The following CACNA1E variants were observed in gnomAD, a reference collection of about 807,000 sequenced individuals.
The protein encoded by CACNA1E is calcium voltage-gated channel subunit alpha1 E.
Under a neutral mutation model 259.2 loss-of-function variants are expected in CACNA1E, and 40 were observed. That is an observed-to-expected ratio of 0.15 (90% CI 0.12 to 0.20). The LOEUF is 0.20. Among genes scored for constraint, CACNA1E ranks in the 10% least tolerant of loss-of-function variants. The pLI is 1.00. For missense variants in CACNA1E, 1,874 were observed against 3,040.1 expected, an observed-to-expected ratio of 0.62 and a Z score of 9.02; for synonymous variants, 1,104 against 1,138.5, an observed-to-expected ratio of 0.97 and a Z score of 0.61.
At chr1:181,382,588 C>A (rs891854629) in intron 1 of CACNA1E, among the ~76,000 whole-genome samples, 1 of 152,066 alleles carries the variant, frequency 6.6e-6, no homozygotes, top group African/African-American at 2.4e-5. Context: ...TCATTTGGGC[C>A]TTGAAATTTT....
At position 181,639,177 on chromosome 1, in the gene CACNA1E, G is replaced by A. The variant is rs187839145; in HGVS notation, c.952-12161G>A. Among the ~76,000 whole-genome samples the A allele has an allele frequency of 4.1e-3, 629 of 151,694 alleles. 2 individuals are homozygous for A. The highest frequency in any genetic ancestry group is 9.9e-3 in the Admixed American group (151 of 15,244). On this transcript the variant is annotated intron_variant, in intron 6 of 47. Coordinates refer to ENST00000367573, the MANE Select transcript of CACNA1E (RefSeq NM_001205293.3). The stretch of plus-strand genomic sequence containing the variant: ...ATCTTGGCTCACTGCAAGCTCCGCT[G>A]ACCAGGTTCACGCCATTCTCCTGCG...
At chr1:181,543,499 T>C (rs1668752680) in intron 3 of CACNA1E, among the ~76,000 whole-genome samples, 1 of 152,192 alleles carries the variant, frequency 6.6e-6, no homozygotes, top group African/African-American at 2.4e-5. Context: ...GGGTACAGCC[T>C]TTATGATGGG....
At chr1:181,622,428 C>G (rs945663215) in intron 6 of CACNA1E, among the ~76,000 whole-genome samples, 1 of 152,176 alleles carries the variant, frequency 6.6e-6, no homozygotes, top group Non-Finnish European at 1.5e-5. Flanking sequence ...TTTACTTTCT[C>G]ATAGTTCTGG....
chr1:181,486,207 T>TGAGAG (rs1488804376), intron 1 of CACNA1E, among the ~76,000 whole-genome samples: 3 of 152,028 alleles, frequency 2.0e-5, no homozygotes, highest in African/African-American at 7.3e-5. Flanking sequence ...CTCGAGGGAG[T>TGAGAG]TGATTTCAGC....
At chr1:181,608,818 TCTTCC>T (rs1423102852) in intron 6 of CACNA1E, among the ~76,000 whole-genome samples, 1 of 152,230 alleles carries the variant, frequency 6.6e-6, no homozygotes, top group African/African-American at 2.4e-5. Flanking sequence ...CACTGCTGCC[TCTTCC>T]CTTATTTCTG....
At position 181,383,794 on chromosome 1, in the gene CACNA1E, ACT is replaced by A. The variant is rs529762399; in HGVS notation, c.-14-29336_-14-29335del. On this transcript the variant is annotated intron_variant, in intron 1 of 11. Transcript: ENST00000524607. The stretch of plus-strand genomic sequence containing the variant: ...TTACGGGGTATGAACATGTGACCAA[ACT>A]CTGGCTGTGGAGCGTAGGCAAAAGG... Among the ~76,000 whole-genome samples the A allele has an allele frequency of 6.3e-3, 961 of 152,264 alleles. 4 individuals carry two copies. The highest frequency in any genetic ancestry group is 9.6e-3 in the Non-Finnish European group (651 of 68,012).
intron 1 of CACNA1E, among the ~76,000 whole-genome samples, chr1:181,385,930 A>G (rs1420331362): frequency 6.6e-6 from 1 of 150,554 alleles, no homozygotes; most frequent in South Asian, 2.1e-4. Context: ...CATAATTTTG[A>G]TCATCTACCA....
At chr1:181,699,801 G>T (rs1052395753) in intron 7 of CACNA1E, among the ~76,000 whole-genome samples, 2 of 152,114 alleles carry the variant, frequency 1.3e-5, no homozygotes, top group Non-Finnish European at 2.9e-5. Context: ...AGGTTGGGAT[G>T]AGAAAGGAAG....
chr1:181,753,815 AG>A (rs1257941598), intron 27 of CACNA1E, among the ~76,000 whole-genome samples: 1 of 152,150 alleles, frequency 6.6e-6, no homozygotes, highest in Admixed American at 6.5e-5. Flanking sequence ...AAAACTAACT[AG>A]GTTTGTGAAA....
rs376436823 is a variant in CACNA1E at position 181,796,687 on chromosome 1, C to T, written c.6228C>T (p.His2076=). ...NSDSGHKSDT[H]RSGGRERGRS... is the part of the protein sequence containing the mutation. ...TCACAGGCCACAAGTCTGACACTCA[C>T]CGCTCAGGGGGCAGGGAGCGGGGAC... is the stretch of plus-strand genomic sequence containing the variant. Residue 2076 remains histidine (H), a synonymous_variant, in exon 47 of 48, where the codon CAC becomes CAT. Transcript: ENST00000367573. 116 of 1,602,416 alleles carry T rather than the reference C, an allele frequency of 7.2e-5. No individual in the cohort carries two copies. The highest frequency in any genetic ancestry group is 9.0e-5 in the Non-Finnish European group (106 of 1,172,134).
Position 181,757,984 on chromosome 1 carries a change from T to C in CACNA1E, c.4367T>C (p.Leu1456Pro). The change falls in exon 31 of 48, where the codon CTC becomes CCC. Residue 1456 changes from leucine (L) to proline (P), a missense_variant. Physicochemically the swap from Leu to Pro is moderately conservative, Grantham distance 98. This residue lies in a region of CACNA1E where 188 missense variants were observed against 540.6 expected (regional missense o/e 0.35). Coordinates refer to ENST00000367573, the MANE Select transcript of CACNA1E (RefSeq NM_001205293.3). ...GACTTCGCCATCAGCGCCAAACCTCTCACCCGCTACATGCCGCAGAACAGA... is the reference window on the plus strand; with the variant it reads ...GACTTCGCCATCAGCGCCAAACCTCCCACCCGCTACATGCCGCAGAACAGA... ...CIDFAISAKP[L>P]TRYMPQNRHT... The C allele has an allele frequency of 6.2e-7, 1 of 1,614,002 alleles. No individual in the cohort carries two copies. Among genetic ancestry groups the C allele is most frequent in the East Asian group, 2.2e-5 (1 of 44,878 alleles).
chr1:181,729,640 G>A (rs573601542), intron 18 of CACNA1E, among the ~76,000 whole-genome samples: 22 of 152,268 alleles, frequency 1.4e-4, no homozygotes, highest in African/African-American at 4.1e-4. Context: ...ATTGTGAGGC[G>A]TACACAAGGT....
At chr1:181,607,187 GC>G (rs1263938575) in intron 6 of CACNA1E, among the ~76,000 whole-genome samples, 1 of 152,132 alleles carries the variant, frequency 6.6e-6, no homozygotes, top group Non-Finnish European at 1.5e-5. Context: ...TGTGCCTAGG[GC>G]TTTGATTCAA....
chr1:181,779,827 C>CAA (rs991486939), intron 38 of CACNA1E, among the ~76,000 whole-genome samples: 13 of 150,844 alleles, frequency 8.6e-5, no homozygotes, highest in Non-Finnish European at 1.6e-4. Flanking sequence ...TGTACACACA[C>CAA]ACACACACAC....
rs866842153 is a variant in CACNA1E at position 181,732,501 on chromosome 1, G to A, written c.2415G>A (p.Met805Ile). ...EALNREEAPT[M>I]NPLNPLNPLS... The stretch of plus-strand genomic sequence containing the variant: ...TCAACAGAGAGGAGGCGCCGACCAT[G>A]AACCCGCTCAACCCCCTCAACCCGC... Residue 805 changes from methionine (M) to isoleucine (I), a missense_variant, in exon 20 of 48, where the codon ATG (methionine) becomes ATA (isoleucine). Around this residue, in one of 14 missense-constraint regions of CACNA1E, gnomAD observed 476 missense variants for 514.0 expected, o/e 0.93. Transcript: ENST00000367573. The surrounding 1 kb of genome is among the most constrained non-coding windows in gnomAD (Gnocchi z 5.5). The A allele has an allele frequency of 6.4e-7, 1 of 1,551,522 alleles. No individual in the cohort carries two copies. Among genetic ancestry groups the A allele is most frequent in the Non-Finnish European group, 8.7e-7 (1 of 1,146,902 alleles).
At chr1:181,792,393 C>T (rs1661400580) in intron 44 of CACNA1E, among the ~76,000 whole-genome samples, 1 of 152,252 alleles carries the variant, frequency 6.6e-6, no homozygotes, top group Non-Finnish European at 1.5e-5. Context: ...GGGGCTGCTG[C>T]TCCATGTCCC....
chr1:181,748,479 A>G (rs193213751), intron 25 of CACNA1E, among the ~76,000 whole-genome samples: 4 of 152,332 alleles, frequency 2.6e-5, no homozygotes, highest in South Asian at 4.1e-4. Context: ...GTCTATGAGC[A>G]TGACCTCTGA....
chr1:181,700,142 A>G (rs922261786), intron 7 of CACNA1E, among the ~76,000 whole-genome samples: 6 of 152,132 alleles, frequency 3.9e-5, no homozygotes, highest in African/African-American at 9.7e-5. Context: ...GGAGGAGTGA[A>G]GGAGATTGAG....
At chr1:181,424,250 C>T (rs755270585) in intron 2 of CACNA1E, among the ~76,000 whole-genome samples, 5 of 152,208 alleles carry the variant, frequency 3.3e-5, no homozygotes, top group Non-Finnish European at 7.3e-5. Flanking sequence ...GCAGAGAATC[C>T]AGAGAATTGG....
Sources: gnomAD v4.1 joint callset for allele counts (sites outside exome capture counted in the v4.1 genomes callset) on GRCh38, gnomAD v4.1.1 for gene constraint, gnomAD v4.1.1 regional missense constraint, Gnocchi (gnomAD v3.1) non-coding constraint, MANE v1.5 for transcripts, NCBI Gene and HGNC (gene_info 2026-07-23, HGNC 2026-07-21) for gene names.